LHFPL6: variants seen among roughly 807,000 people sequenced by gnomAD.
LHFPL6 encodes LHFPL tetraspan subfamily member 6, also known as LHFPL tetraspan subfamily member 6 protein.
Under a neutral mutation model 20.6 loss-of-function variants are expected in LHFPL6, and 9 were observed. That is an observed-to-expected ratio of 0.44 (90% CI 0.26 to 0.76). The LOEUF is 0.76. Ranked by LOEUF, LHFPL6 falls within the 30% of genes least tolerant of loss-of-function variation. The pLI is 0.20. For missense variants in LHFPL6, 218 were observed against 253.5 expected (o/e 0.86, Z 0.95); for synonymous variants, 105 against 98.7 (o/e 1.06, Z -0.38).
At chr13:39,408,554 T>G (rs1039303628) in intron 2 of LHFPL6, among the ~76,000 whole-genome samples, 14 of 152,230 alleles carry the variant, frequency 9.2e-5, no homozygotes, top group African/African-American at 3.1e-4. Context: ...AACAATGCAT[T>G]CTCCCATAAT....
At chr13:39,422,219 A>G (rs748356194) in intron 2 of LHFPL6, among the ~76,000 whole-genome samples, 2 of 152,202 alleles carry the variant, frequency 1.3e-5, no homozygotes, top group Non-Finnish European at 2.9e-5. Context: ...ATAATCTTCT[A>G]TGTAAGTGGC....
At chr13:39,482,475 C>A (rs770370733) in intron 2 of LHFPL6, among the ~76,000 whole-genome samples, 1 of 151,562 alleles carries the variant, frequency 6.6e-6, no homozygotes, top group African/African-American at 2.4e-5. Context: ...AACAGTCTTA[C>A]CCAAATTAAT....
chr13:39,357,526 G>T (rs1869758173), intron 3 of LHFPL6, among the ~76,000 whole-genome samples: 3 of 152,216 alleles, frequency 2.0e-5, no homozygotes, highest in South Asian at 4.1e-4. Context: ...AGTAACAAAT[G>T]GCATCCAAAT....
At chr13:39,578,260 C>T (rs139747955) in intron 2 of LHFPL6, among the ~76,000 whole-genome samples, 3 of 152,128 alleles carry the variant, frequency 2.0e-5, no homozygotes, top group Non-Finnish European at 2.9e-5. Context: ...CTACTAAAGA[C>T]CCCTGACAGA....
chr13:39,549,049 C>A (rs1350856503), intron 2 of LHFPL6, among the ~76,000 whole-genome samples: 9 of 152,054 alleles, frequency 5.9e-5, no homozygotes, highest in Non-Finnish European at 1.3e-4. Flanking sequence ...TTAAGGAACT[C>A]TCAGAACTTA....
chr13:39,565,784 T>C (rs943381412), intron 2 of LHFPL6, among the ~76,000 whole-genome samples: 25 of 152,180 alleles, frequency 1.6e-4, no homozygotes, highest in African/African-American at 5.8e-4. Flanking sequence ...AGCAAGCAAA[T>C]TCCAGTGCTG....
At chr13:39,409,811 A>G (rs1871207858) in intron 2 of LHFPL6, among the ~76,000 whole-genome samples, 1 of 152,232 alleles carries the variant, frequency 6.6e-6, no homozygotes, top group Admixed American at 6.5e-5. Flanking sequence ...AGAAAAGGAA[A>G]AGAAACAATT....
intron 2 of LHFPL6, among the ~76,000 whole-genome samples, chr13:39,555,646 A>T (rs1312391510): frequency 6.6e-6 from 1 of 152,238 alleles, no homozygotes; most frequent in Non-Finnish European, 1.5e-5. Context: ...GATATTTAGT[A>T]ACAAAAATTT....
chr13:39,463,213 G>C (rs556955177), intron 2 of LHFPL6, among the ~76,000 whole-genome samples: 57 of 152,204 alleles, frequency 3.7e-4, no homozygotes, highest in Admixed American at 1.2e-3. Context: ...TATATGTTTG[G>C]TATGAGTCTG....
At chr13:39,419,867 A>C (rs1871435960) in intron 2 of LHFPL6, among the ~76,000 whole-genome samples, 1 of 152,192 alleles carries the variant, frequency 6.6e-6, no homozygotes, top group South Asian at 2.1e-4. Context: ...TTTTTTTAGA[A>C]ATATATTTAA....
chr13:39,365,837 T>C (rs1326007398), intron 3 of LHFPL6, among the ~76,000 whole-genome samples: 1 of 152,184 alleles, frequency 6.6e-6, no homozygotes, highest in African/African-American at 2.4e-5. Flanking sequence ...AACCAGAGAC[T>C]AGAAACTGAA....
rs959046789 is a variant in LHFPL6 at position 39,343,427 on chromosome 13, G to A, written c.*509C>T. 3 of 232,446 alleles carry A rather than the reference G, an allele frequency of 1.3e-5. No homozygotes were observed. Among genetic ancestry groups the A allele is most frequent in the Non-Finnish European group, 2.6e-5 (3 of 117,390 alleles). The allele number at this position is 232,446 out of a possible 1,614,324, so 14.4% of individuals were successfully genotyped here. A position where few individuals can be genotyped will look rare whatever the true frequency, so the allele number is the denominator to read the frequency against. Reference sequence around the variant, plus strand: ...TTTGTGCATAGGCGTGTGTGGGGATGCATATGTCTGTATGTGCTTGTGTGC... The same window carrying A: ...TTTGTGCATAGGCGTGTGTGGGGATACATATGTCTGTATGTGCTTGTGTGC... On this transcript the variant is annotated 3_prime_UTR_variant, in exon 4 of 4. Coordinates refer to ENST00000379589, the MANE Select transcript of LHFPL6 (RefSeq NM_005780.3).
intron 2 of LHFPL6, among the ~76,000 whole-genome samples, chr13:39,431,327 T>C (rs1871793947): frequency 6.6e-6 from 1 of 151,866 alleles, no homozygotes; most frequent in African/African-American, 2.4e-5. Flanking sequence ...CATCTGAACA[T>C]CTGAAGGAAC....
At chr13:39,357,673 G>C (rs7322148) in intron 3 of LHFPL6, among the ~76,000 whole-genome samples, 19,799 of 152,070 alleles carry the variant, frequency 0.13, 1,741 homozygotes, top group African/African-American at 0.23. Flanking sequence ...AATCAATGCA[G>C]AAAAATCAGT....
intron 2 of LHFPL6, among the ~76,000 whole-genome samples, chr13:39,479,081 A>AGATG (rs1203052509): frequency 6.7e-6 from 1 of 149,090 alleles, no homozygotes; most frequent in Non-Finnish European, 1.5e-5. Context: ...ATAGATAGAT[A>AGATG]GACAGACATA....
intron 2 of LHFPL6, among the ~76,000 whole-genome samples, chr13:39,473,796 C>T (rs1487371035): frequency 6.6e-6 from 1 of 152,196 alleles, no homozygotes. Context: ...CAAAGAGCAA[C>T]TTTAAGACTG....
chr13:39,459,148 G>C (rs1231143899), intron 2 of LHFPL6, among the ~76,000 whole-genome samples: 2 of 151,566 alleles, frequency 1.3e-5, no homozygotes, highest in Non-Finnish European at 2.9e-5. Flanking sequence ...AGACCTGCCT[G>C]TGTTCTGGTT....
intron 2 of LHFPL6, among the ~76,000 whole-genome samples, chr13:39,548,894 G>A (rs1389594645): frequency 6.6e-6 from 1 of 151,992 alleles, no homozygotes; most frequent in African/African-American, 2.4e-5. Flanking sequence ...AATCCACAAA[G>A]GTAAATATTG....
intron 2 of LHFPL6, among the ~76,000 whole-genome samples, chr13:39,402,596 CTA>C (rs1871020687): frequency 6.6e-6 from 1 of 152,150 alleles, no homozygotes. Flanking sequence ...GTAGTCCAAA[CTA>C]TATTTCTATT....
Sources: gnomAD v4.1 joint callset for allele counts (sites outside exome capture counted in the v4.1 genomes callset) on GRCh38, gnomAD v4.1.1 for gene constraint, MANE v1.5 for transcripts, NCBI Gene and HGNC (gene_info 2026-07-23, HGNC 2026-07-21) for gene names.